Variants in ZNF446 observed in about 807,000 individuals in gnomAD.
ZNF446 encodes the protein zinc finger protein 446.
In ZNF446, 42 loss-of-function variants were observed where a neutral mutation model predicts 34.0. That is an observed-to-expected ratio of 1.23 (90% CI 0.96 to 1.60). The LOEUF is 1.60. Ranked by LOEUF, ZNF446 falls within the 40% of genes most tolerant of loss-of-function variation. ZNF446 has a pLI of 0.00. For synonymous variants in ZNF446, 315 were observed against 251.0 expected (o/e 1.25, Z -2.41); for missense variants, 650 against 600.2 (o/e 1.08, Z -0.87).
intron 4 of ZNF446, among the ~76,000 whole-genome samples, chr19:58,478,605 A>T (rs1468824702): frequency 6.6e-6 from 1 of 151,922 alleles, no homozygotes; most frequent in Admixed American, 6.6e-5. Flanking sequence ...CAGAGGATGC[A>T]GTGAGCCGAG....
intron 5 of ZNF446, 55 bp from the exon 6 acceptor site, chr19:58,479,875 C>A: frequency 7.0e-7 from 1 of 1,421,514 alleles, no homozygotes; most frequent in Non-Finnish European, 9.7e-7. Context: ...CCAGAACCGA[C>A]CCCACCCCTC....
At chr19:58,483,341 TA>T (rs1239469493), downstream of ZNF446, among the ~76,000 whole-genome samples, 1 of 151,970 alleles carries the variant, frequency 6.6e-6, no homozygotes, top group Non-Finnish European at 1.5e-5. Flanking sequence ...ATACAAAAAT[TA>T]GCCAGGTATG....
In ZNF446 at chr19:58,480,511, G is replaced by C. The variant is rs778994309; in HGVS notation, c.1138G>C (p.Ala380Pro). 1 of 1,612,648 alleles carries C rather than the reference G, an allele frequency of 6.2e-7. No homozygotes were observed. The highest frequency in any genetic ancestry group is 8.5e-7 in the Non-Finnish European group (1 of 1,179,694). ...STEKPPQGEV[A>P]FPHHPRRSLT... ...AGAGAAGCCACCACAAGGGGAGGTG[G>C]CCTTTCCGCACCACCCCCGACGCTC... is the stretch of plus-strand genomic sequence containing the variant. The change falls in exon 7 of 7, where the codon GCC becomes CCC. Residue 380 changes from alanine to proline, a missense_variant. Coordinates refer to ENST00000594369, the MANE Select transcript of ZNF446 (RefSeq NM_017908.4). This position sits in a 1 kb window ranked among gnomAD's most constrained non-coding sequence, Gnocchi z 7.2.
rs2053105651 is a variant in ZNF446 at position 58,478,116 on chromosome 19, T to G, written c.562T>G (p.Ser188Ala). ...CTCCAGCCCTCCACTTGCAGCACAG[T>G]CCCCTGAGGGGAACCATGGACACCA... Reference protein sequence around the residue: ...APSSPPLAAQSPEGNHGHQEP... With the variant: ...APSSPPLAAQAPEGNHGHQEP... Residue 188 changes from serine (S) to alanine (A), a missense_variant, in exon 4 of 7, where the codon TCC (serine) becomes GCC (alanine). Transcript: ENST00000594369. The G allele has an allele frequency of 6.2e-7, 1 of 1,613,792 alleles. No homozygotes were observed. The highest frequency in any genetic ancestry group is 1.1e-5 in the South Asian group (1 of 91,054).
downstream of ZNF446, among the ~76,000 whole-genome samples, chr19:58,486,094 T>TC (rs2053167386): frequency 7.0e-6 from 1 of 143,130 alleles, no homozygotes; most frequent in Non-Finnish European, 1.5e-5. Context: ...CTTTCTTTTT[T>TC]TTTTTTTTTT....
intron 4 of ZNF446, among the ~76,000 whole-genome samples, chr19:58,479,329 G>A (rs929267455): frequency 2.6e-5 from 4 of 152,312 alleles, no homozygotes; most frequent in Middle Eastern, 3.4e-3. Context: ...GACTCAGGCA[G>A]CAAGGAGGGC....
chr19:58,477,528 C>G lies in ZNF446; in HGVS notation c.310C>G (p.Leu104Val). ...GGAGGCCGCTGCCCTAGTCGAAGGA[C>G]TGCAGCATGACCCTGGGCAACTGTT... ...PEEAAALVEGLQHDPGQLLGW... is the reference protein window; with the variant it reads ...PEEAAALVEGVQHDPGQLLGW... Residue 104 changes from leucine (L) to valine (V), a missense_variant, in exon 2 of 7, where the codon CTG becomes GTG. Physicochemically the swap from Leu to Val is conservative, Grantham distance 32 (BLOSUM62 1). Coordinates refer to ENST00000594369, the MANE Select transcript of ZNF446 (RefSeq NM_017908.4). The G allele has an allele frequency of 6.2e-7, 1 of 1,612,346 alleles. No homozygotes were observed.
At position 58,479,946 on chromosome 19, in the gene ZNF446, G is replaced by T; in HGVS notation, c.729G>T (p.Gln243His). The T allele has an allele frequency of 6.3e-7, 1 of 1,584,470 alleles. No individual in the cohort carries two copies. The highest frequency in any genetic ancestry group is 1.1e-5 in the South Asian group (1 of 87,008). The change falls in exon 6 of 7, where the codon CAG becomes CAT. Residue 243 changes from glutamine (Q) to histidine (H), a missense_variant. Transcript: ENST00000594369. ...TVVSLGLPPH[Q>H]PEAQAQSELG... ...CCCGGGCAGGGTTACCGCCCCACCA[G>T]CCAGAGGCACAGGCCCAGTCAGAGC... is the stretch of plus-strand genomic sequence containing the variant.
At chr19:58,478,656 TTG>T (rs1345671354) in intron 4 of ZNF446, among the ~76,000 whole-genome samples, 1 of 150,912 alleles carries the variant, frequency 6.6e-6, no homozygotes, top group Non-Finnish European at 1.5e-5. Flanking sequence ...AAGAGCAAAA[TTG>T]TGTGTCAAAA....
At chr19:58,481,760 C>T (rs1031436740), downstream of ZNF446, among the ~76,000 whole-genome samples, 1 of 151,948 alleles carries the variant, frequency 6.6e-6, no homozygotes, top group Non-Finnish European at 1.5e-5. Context: ...ACATGGGTCC[C>T]ACTGGGCTAA....
rs952453215 is a variant in ZNF446, at chr19:58,478,751, A to C, written c.627+570A>C. On this transcript the variant is annotated intron_variant, in intron 4 of 6. Coordinates refer to ENST00000594369, the MANE Select transcript of ZNF446 (RefSeq NM_017908.4). ...TGGAACTAGTGGGCTTGGCTTCCTC[A>C]CCTCCAGAGAAGTCAGCTGGGAGGT... Among the ~76,000 whole-genome samples the C allele has an allele frequency of 2.0e-5, 3 of 151,622 alleles. No homozygotes were observed. In the East Asian group the frequency reaches 5.8e-4, roughly 29 times the overall value.
At chr19:58,479,874 A>G (rs2053121817) in intron 5 of ZNF446, 56 bp from the exon 6 acceptor site, 7 of 1,422,804 alleles carry the variant, frequency 4.9e-6, no homozygotes, top group Non-Finnish European at 6.8e-6. Context: ...ACCAGAACCG[A>G]CCCCACCCCT....
At chr19:58,485,883 A>G (rs1393066508), downstream of ZNF446, among the ~76,000 whole-genome samples, 1 of 151,750 alleles carries the variant, frequency 6.6e-6, no homozygotes, top group African/African-American at 2.4e-5. Context: ...CCAGCCTGAT[A>G]TTTATTTTTA....
Position 58,479,927 on chromosome 19 carries a change from C to T in ZNF446, c.713-3C>T, listed in dbSNP as rs774806167. On this transcript the variant is annotated splice_region_variant and splice_polypyrimidine_tract_variant and intron_variant, in intron 5 of 6. Transcript: ENST00000594369. ...TGCCTAACTGTGCCCCCCACCCGGGCAGGGTTACCGCCCCACCAGCCAGAG... is the reference window on the plus strand; with the variant it reads ...TGCCTAACTGTGCCCCCCACCCGGGTAGGGTTACCGCCCCACCAGCCAGAG... 34 of 1,569,674 alleles carry T rather than the reference C, an allele frequency of 2.2e-5. 1 individual carries two copies. The highest frequency in any genetic ancestry group is 1.3e-4 in the South Asian group (11 of 85,910).
intron 4 of ZNF446, among the ~76,000 whole-genome samples, chr19:58,478,694 C>T (rs964524835): frequency 6.6e-6 from 1 of 151,710 alleles, no homozygotes; most frequent in Non-Finnish European, 1.5e-5. Context: ...AGGATTTGGG[C>T]CTCAAGCCAT....
downstream of ZNF446, among the ~76,000 whole-genome samples, chr19:58,484,360 G>A (rs2053158622): frequency 6.7e-6 from 1 of 150,200 alleles, no homozygotes; most frequent in African/African-American, 2.5e-5. Flanking sequence ...CAGCTACTTG[G>A]AAGGCTGAGG....
intron 4 of ZNF446, among the ~76,000 whole-genome samples, chr19:58,478,811 G>C (rs908676169): frequency 1.1e-4 from 16 of 152,126 alleles, no homozygotes; most frequent in African/African-American, 3.9e-4. Context: ...CAGACCTGGG[G>C]ATTTGAACTT....
Position 58,480,501 on chromosome 19 carries a change from A to C in ZNF446, c.1128A>C (p.Gln376His). Residue 376 changes from glutamine (Q) to histidine (H), a missense_variant, in exon 7 of 7, where the codon CAA (glutamine) becomes CAC (histidine). By Grantham distance (24) the Gln-to-His change is conservative (BLOSUM62 0). Coordinates refer to ENST00000594369, the MANE Select transcript of ZNF446 (RefSeq NM_017908.4). This position sits in a 1 kb window ranked among gnomAD's most constrained non-coding sequence, Gnocchi z 7.2. ...GGGAAAGCACAGAGAAGCCACCACA[A>C]GGGGAGGTGGCCTTTCCGCACCACC... ...ATGESTEKPP[Q>H]GEVAFPHHPR... is the part of the protein sequence containing the mutation. 6.2e-7 allele frequency: 1 copy of C among 1,612,836 alleles called. No homozygotes were observed. Among genetic ancestry groups the C allele is most frequent in the Non-Finnish European group, 8.5e-7 (1 of 1,179,814 alleles).
intron 1 of ZNF446, 41 bp from the exon 2 acceptor site, chr19:58,477,138 A>G (rs2053093450): frequency 8.4e-6 from 11 of 1,304,036 alleles, no homozygotes; most frequent in Non-Finnish European, 1.2e-5. Context: ...TCCCCTGGCC[A>G]GATTCTCTTG....
Sources: allele counts gnomAD v4.1 joint callset (sites outside exome capture counted in the v4.1 genomes callset), GRCh38; gene constraint gnomAD v4.1.1; non-coding constraint Gnocchi (gnomAD v3.1); transcripts MANE v1.5; gene names NCBI Gene and HGNC (gene_info 2026-07-23, HGNC 2026-07-21).